DTD1: variants seen among roughly 807,000 people sequenced by gnomAD.
DTD1 encodes D-tyrosyl-tRNA deacylase 1 homolog.
In DTD1, 13 loss-of-function variants were observed where a neutral mutation model predicts 25.6. The observed-to-expected ratio is 0.51, with a 90% confidence interval of 0.33 to 0.81. The LOEUF is 0.81. DTD1 is among the 30% of genes least tolerant of loss of function. DTD1 has a pLI of 0.02. For synonymous variants in DTD1, 110 were observed against 103.6 expected (o/e 1.06, Z -0.37); for missense variants, 193 against 266.4 (o/e 0.72, Z 1.92).
chr20:18,687,609 C>A (rs2061022173), intron 4 of DTD1, among the ~76,000 whole-genome samples: 1 of 151,804 alleles, frequency 6.6e-6, no homozygotes, highest in African/African-American at 2.4e-5. Flanking sequence ...GGCTGGAGTA[C>A]AATGGCATAA....
chr20:18,627,693 T>C (rs2060765223), intron 3 of DTD1, among the ~76,000 whole-genome samples: 3 of 152,182 alleles, frequency 2.0e-5, no homozygotes, highest in Admixed American at 2.0e-4. Flanking sequence ...AGGTGTGTGA[T>C]ATGGTTTGGC....
At position 18,758,195 on chromosome 20, in the gene DTD1, A is replaced by G. The variant is rs1170612851; in HGVS notation, c.*20-5165A>G. Among the ~76,000 whole-genome samples, 5 of 151,510 alleles carry G rather than the reference A, an allele frequency of 3.3e-5. No homozygotes were observed. In the East Asian group the frequency reaches 9.7e-4, roughly 29 times the overall value. On this transcript the variant is annotated intron_variant, in intron 5 of 5. Transcript: ENST00000377452. ...TTATTAGTCTTGCTAGCGGTCTATCAATTTTGTTGATCTTTTCAAAAAACC... is the reference window on the plus strand; with the variant it reads ...TTATTAGTCTTGCTAGCGGTCTATCGATTTTGTTGATCTTTTCAAAAAACC...
chr20:18,750,700 GCT>G, intron 5 of DTD1, among the ~76,000 whole-genome samples: 1 of 152,284 alleles, frequency 6.6e-6, no homozygotes, highest in Non-Finnish European at 1.5e-5. Flanking sequence ...AATCCTTCGG[GCT>G]CTCTCACCTT....
At chr20:18,589,961 C>T (rs1398574193) in intron 1 of DTD1, among the ~76,000 whole-genome samples, 2 of 152,118 alleles carry the variant, frequency 1.3e-5, no homozygotes, top group Non-Finnish European at 2.9e-5. Flanking sequence ...TGCAGGCCTT[C>T]TAGTTGCATT....
intron 3 of DTD1, among the ~76,000 whole-genome samples, chr20:18,606,851 G>A (rs1338956235): frequency 5.4e-5 from 8 of 148,634 alleles, no homozygotes; most frequent in African/African-American, 1.7e-4. Context: ...TGGGTGTAGC[G>A]CACCAGCATG....
chr20:18,615,866 C>T (rs1242029391), intron 3 of DTD1, among the ~76,000 whole-genome samples: 1 of 152,188 alleles, frequency 6.6e-6, no homozygotes, highest in African/African-American at 2.4e-5. Context: ...CCGTGCCTCT[C>T]CCGCTTCATA....
intron 4 of DTD1, among the ~76,000 whole-genome samples, chr20:18,664,732 T>C (rs1432419876): frequency 1.3e-5 from 2 of 152,218 alleles, no homozygotes; most frequent in Non-Finnish European, 2.9e-5. Context: ...CAGTTTGCTT[T>C]TTTAATCTAC....
chr20:18,676,858 C>G (rs1403793743), intron 4 of DTD1, among the ~76,000 whole-genome samples: 1 of 152,136 alleles, frequency 6.6e-6, no homozygotes, highest in Non-Finnish European at 1.5e-5. Context: ...TGGAGTAATT[C>G]TCGTTCGCCC....
intron 4 of DTD1, among the ~76,000 whole-genome samples, chr20:18,683,067 G>A (rs560662908): frequency 5.4e-4 from 82 of 152,286 alleles, no homozygotes; most frequent in Non-Finnish European, 9.1e-4. Flanking sequence ...CCTATTAGTC[G>A]GTTGTGGTGT....
chr20:18,738,681 G>C (rs942261202), intron 4 of DTD1, among the ~76,000 whole-genome samples: 2 of 152,174 alleles, frequency 1.3e-5, no homozygotes, highest in African/African-American at 2.4e-5. Flanking sequence ...GCTATGGTTT[G>C]TGTCACATGC....
At chr20:18,599,861 G>T (rs2060626571) in intron 3 of DTD1, among the ~76,000 whole-genome samples, 1 of 152,148 alleles carries the variant, frequency 6.6e-6, no homozygotes, top group Non-Finnish European at 1.5e-5. Flanking sequence ...TAAAAAATTG[G>T]ATTGTTTTCT....
intron 4 of DTD1, among the ~76,000 whole-genome samples, chr20:18,659,786 G>C (rs1289005720): frequency 1.3e-5 from 2 of 151,976 alleles, no homozygotes; most frequent in Non-Finnish European, 2.9e-5. Context: ...AGAGCATTAG[G>C]ACAAATACCT....
chr20:18,706,943 A>G (rs1394650509), intron 4 of DTD1, among the ~76,000 whole-genome samples: 2 of 152,178 alleles, frequency 1.3e-5, no homozygotes, highest in African/African-American at 2.4e-5. Flanking sequence ...GAGTGTTGGC[A>G]TTATCCATCA....
At chr20:18,619,150 AT>A (rs1285889382) in intron 3 of DTD1, among the ~76,000 whole-genome samples, 1 of 151,444 alleles carries the variant, frequency 6.6e-6, no homozygotes, top group Non-Finnish European at 1.5e-5. Context: ...TGGCCTGTTC[AT>A]TTTTTCTGTC....
chr20:18,710,898 A>G (rs2061156012), intron 4 of DTD1, among the ~76,000 whole-genome samples: 1 of 152,098 alleles, frequency 6.6e-6, no homozygotes, highest in African/African-American at 2.4e-5. Context: ...TCCTTTGGCC[A>G]TTTGAGGGTT....
intron 4 of DTD1, among the ~76,000 whole-genome samples, chr20:18,644,491 C>T (rs2060843208): frequency 6.6e-6 from 1 of 152,180 alleles, no homozygotes; most frequent in Non-Finnish European, 1.5e-5. Flanking sequence ...AACATGTATA[C>T]CTCCCAGATG....
intron 4 of DTD1, among the ~76,000 whole-genome samples, chr20:18,668,708 G>C (rs2122385286): frequency 6.6e-6 from 1 of 152,270 alleles, no homozygotes; most frequent in Middle Eastern, 3.4e-3. Flanking sequence ...AGTGAAATGA[G>C]CTACCAGGTT....
chr20:18,706,728 A>C (rs548806283), intron 4 of DTD1, among the ~76,000 whole-genome samples: 1 of 152,340 alleles, frequency 6.6e-6, no homozygotes, highest in Non-Finnish European at 1.5e-5. Context: ...GATCAAGTGG[A>C]GTTTATTTCT....
chr20:18,758,935 T>C, intron 5 of DTD1, among the ~76,000 whole-genome samples: 1 of 152,234 alleles, frequency 6.6e-6, no homozygotes, highest in East Asian at 1.9e-4. Flanking sequence ...TGGGTGCATA[T>C]ATATTTAGGA....
Sources: allele counts gnomAD v4.1 joint callset (sites outside exome capture counted in the v4.1 genomes callset), GRCh38; gene constraint gnomAD v4.1.1; transcripts MANE v1.5; gene names NCBI Gene and HGNC (gene_info 2026-07-23, HGNC 2026-07-21).